Variants in KIAA1217 observed in about 807,000 individuals in gnomAD.
KIAA1217 encodes the protein KIAA1217, also known as sickle tail protein homolog.
A neutral mutation model predicts 163.9 loss-of-function variants in KIAA1217; 88 were observed. The observed-to-expected ratio is 0.54, with a 90% CI of 0.45 to 0.64. The LOEUF is 0.64. KIAA1217 is among the 30% of genes least tolerant of loss of function. The pLI is 0.00. For missense variants in KIAA1217, 2,372 were observed against 2,475.0 expected, an observed-to-expected ratio of 0.96 and a Z score of 0.88; for synonymous variants, 903 against 923.1, an observed-to-expected ratio of 0.98 and a Z score of 0.39.
intron 1 of KIAA1217, among the ~76,000 whole-genome samples, chr10:23,975,476 G>A (rs1175566913): frequency 1.3e-5 from 2 of 152,116 alleles, no homozygotes; most frequent in Non-Finnish European, 2.9e-5. Context: ...AAAATAAAAG[G>A]TAAATAATGA....
At chr10:24,140,241 T>A (rs1377066964) in intron 2 of KIAA1217, among the ~76,000 whole-genome samples, 1 of 151,570 alleles carries the variant, frequency 6.6e-6, no homozygotes, top group African/African-American at 2.4e-5. Context: ...GCGCCTGTAG[T>A]CCCAGCTACT....
chr10:23,774,980 A>G (rs1834948317), intron 1 of KIAA1217, among the ~76,000 whole-genome samples: 1 of 152,198 alleles, frequency 6.6e-6, no homozygotes, highest in South Asian at 2.1e-4. Context: ...TTCATGGAGA[A>G]GATGAAGCTG....
intron 6 of KIAA1217, among the ~76,000 whole-genome samples, chr10:24,479,214 A>T (rs1346941367): frequency 6.6e-6 from 1 of 152,234 alleles, no homozygotes; most frequent in African/African-American, 2.4e-5. Flanking sequence ...ATCATTTCAC[A>T]TCACTTTCTC....
At chr10:24,285,905 ATCTTTCACC>A (rs1278755317) in intron 2 of KIAA1217, among the ~76,000 whole-genome samples, 1 of 151,972 alleles carries the variant, frequency 6.6e-6, no homozygotes, top group Non-Finnish European at 1.5e-5. Context: ...CCTTACAGAG[ATCTTTCACC>A]TCTTTGGTTA....
At chr10:24,486,410 A>T (rs1320188160) in intron 6 of KIAA1217, among the ~76,000 whole-genome samples, 2 of 152,146 alleles carry the variant, frequency 1.3e-5, no homozygotes, top group African/African-American at 4.8e-5. Flanking sequence ...GCAATGACCA[A>T]TGGCTCCCCT....
intron 6 of KIAA1217, among the ~76,000 whole-genome samples, chr10:24,476,424 C>G (rs573787645): frequency 6.6e-6 from 1 of 152,246 alleles, no homozygotes; most frequent in South Asian, 2.1e-4. Context: ...AAAGATCTGC[C>G]AACCCTAGAG....
intron 2 of KIAA1217, among the ~76,000 whole-genome samples, chr10:24,020,060 A>C (rs1280979844): frequency 6.6e-6 from 1 of 152,136 alleles, no homozygotes; most frequent in Non-Finnish European, 1.5e-5. Context: ...TCTTTCCCCC[A>C]AAATTATGTA....
At chr10:24,263,045 A>C (rs1039622441) in intron 2 of KIAA1217, among the ~76,000 whole-genome samples, 35 of 152,084 alleles carry the variant, frequency 2.3e-4, no homozygotes, top group South Asian at 2.1e-4. Flanking sequence ...TCAGAGGAAG[A>C]CTTCTATGTG....
At chr10:23,839,675 A>G (rs1449706264) in intron 1 of KIAA1217, among the ~76,000 whole-genome samples, 1 of 152,168 alleles carries the variant, frequency 6.6e-6, no homozygotes, top group Non-Finnish European at 1.5e-5. Context: ...TCTCTGAAGC[A>G]TCCTACAGAT....
chr10:23,923,806 T>C (rs930755695), intron 1 of KIAA1217, among the ~76,000 whole-genome samples: 3 of 152,218 alleles, frequency 2.0e-5, no homozygotes. Flanking sequence ...GTTTTTTGTT[T>C]GTTTTTGTTT....
At chr10:24,167,136 A>C (rs368220862) in intron 2 of KIAA1217, among the ~76,000 whole-genome samples, 3 of 152,056 alleles carry the variant, frequency 2.0e-5, no homozygotes, top group East Asian at 1.9e-4. Context: ...AATGACAGTC[A>C]ACTGGTAAGA....
chr10:24,475,264 A>G (rs908790952), intron 6 of KIAA1217, among the ~76,000 whole-genome samples: 1 of 152,200 alleles, frequency 6.6e-6, no homozygotes, highest in Non-Finnish European at 1.5e-5. Flanking sequence ...CAGTTATTCA[A>G]TACCTTATTA....
chr10:24,530,072 C>T (rs1381747969), intron 14 of KIAA1217, among the ~76,000 whole-genome samples: 1 of 152,170 alleles, frequency 6.6e-6, no homozygotes, highest in East Asian at 1.9e-4. Flanking sequence ...GCTGGGATTT[C>T]AGGCCTGAGT....
chr10:23,926,429 C>T (rs1466256069), intron 1 of KIAA1217, among the ~76,000 whole-genome samples: 1 of 152,120 alleles, frequency 6.6e-6, no homozygotes, highest in Non-Finnish European at 1.5e-5. Context: ...TGCATTAGTC[C>T]TGTTTCAAAG....
intron 1 of KIAA1217, among the ~76,000 whole-genome samples, chr10:23,858,077 C>G (rs1235936529): frequency 1.3e-5 from 2 of 151,926 alleles, no homozygotes; most frequent in Admixed American, 6.6e-5. Flanking sequence ...GGTAATTTCT[C>G]TAGAATACAG....
At chr10:23,906,572 A>T (rs1589051343) in intron 1 of KIAA1217, among the ~76,000 whole-genome samples, 1 of 152,154 alleles carries the variant, frequency 6.6e-6, no homozygotes, top group Non-Finnish European at 1.5e-5. Flanking sequence ...GCAATTTCTT[A>T]TAGAACTGTG....
At chr10:24,443,271 C>T (rs1017645806) in intron 5 of KIAA1217, among the ~76,000 whole-genome samples, 5 of 152,122 alleles carry the variant, frequency 3.3e-5, no homozygotes, top group African/African-American at 1.2e-4. Context: ...CCCCTGTTTA[C>T]AGATGATGAG....
In KIAA1217 at chr10:23,873,745, C is replaced by T. The variant is rs573042737; in HGVS notation, c.-320-133480C>T. On this transcript the variant is annotated intron_variant, in intron 1 of 18. Transcript: ENST00000376462. Reference sequence around the variant, plus strand: ...CTCACTCGCCATCTATCTCTCAATGCTCAGAATTGAAGAAAGTACTCTTCA... The same window carrying T: ...CTCACTCGCCATCTATCTCTCAATGTTCAGAATTGAAGAAAGTACTCTTCA... Among the ~76,000 whole-genome samples the T allele has an allele frequency of 3.9e-5, 6 of 151,982 alleles. No homozygotes were observed. In the South Asian group the frequency reaches 6.2e-4, roughly 16 times the overall value.
intron 1 of KIAA1217, among the ~76,000 whole-genome samples, chr10:23,752,388 A>T (rs10828538): frequency 0.053 from 8,096 of 152,226 alleles, 277 homozygotes; most frequent in Admixed American, 0.084. Context: ...TGAACAAATT[A>T]TTTGTGAGCT....
Sources: gnomAD v4.1 joint callset for allele counts (sites outside exome capture counted in the v4.1 genomes callset) on GRCh38, gnomAD v4.1.1 for gene constraint, MANE v1.5 for transcripts, NCBI Gene and HGNC (gene_info 2026-07-23, HGNC 2026-07-21) for gene names.